The following NAP1L1 variants were observed in gnomAD, a reference collection of about 807,000 sequenced individuals.
NAP1L1 encodes the protein nucleosome assembly protein 1-like 1.
In NAP1L1, 9 loss-of-function variants were observed where a neutral mutation model predicts 58.9. The ratio of observed to expected loss-of-function variants is 0.15; its 90% CI spans 0.09 to 0.27. The LOEUF is 0.27. NAP1L1 is among the 10% of genes least tolerant of loss of function. The probability of loss-of-function intolerance (pLI) is 1.00; values close to 1 mark genes in which losing one functional copy is unlikely to be tolerated. For synonymous variants in NAP1L1, 130 were observed against 138.3 expected, an observed-to-expected ratio of 0.94 and a Z score of 0.42; for missense variants, 302 against 458.8, an observed-to-expected ratio of 0.66 and a Z score of 3.12.
chr12:76,053,426 A>G, intron 9 of NAP1L1, 76 bp from the exon 10 acceptor site: 3 of 1,502,866 alleles, frequency 2.0e-6, no homozygotes, highest in Middle Eastern at 3.6e-4. Context: ...TAAATGTTCT[A>G]TTTAGATTTC....
In NAP1L1 at chr12:76,055,028, G is replaced by T; in HGVS notation, c.621C>A (p.Gly207=). ...TTCAAAGTTCTTTTACCATAGGCTG[G>T]CCAGCATCTGAGAACTTCACTTTAA... ...KDIKVKFSDA[G]QPMSFVLEFH... is the part of the protein sequence containing the mutation. The change falls in exon 8 of 15, where the codon GGC becomes GGA. Residue 207 remains glycine (G), a synonymous_variant. Coordinates refer to ENST00000618691, the MANE Select transcript of NAP1L1 (RefSeq NM_004537.7). 6.2e-7 allele frequency: 1 copy of T among 1,603,216 alleles called. No homozygotes were observed.
At chr12:76,052,860 T>C (rs555723800) in intron 11 of NAP1L1, among the ~76,000 whole-genome samples, 116 of 152,302 alleles carry the variant, frequency 7.6e-4, no homozygotes, top group African/African-American at 2.5e-3. Flanking sequence ...CACAGCAATA[T>C]GTGAAGTTTC....
In NAP1L1 at chr12:76,056,144, C is replaced by T; in HGVS notation, c.447G>A (p.Lys149=). ...CTTTTTTCTCATCTTCAATCTTGGC[C>T]TTTTCTTTCAATTCCTCCTTGATTA... ...EDEISEELKE[K]AKIEDEKKDE... The change falls in exon 7 of 15, where the codon AAG becomes AAA. Residue 149 remains lysine (K), a synonymous_variant. Coordinates refer to ENST00000618691, the MANE Select transcript of NAP1L1 (RefSeq NM_004537.7). 6.2e-7 allele frequency: 1 copy of T among 1,611,222 alleles called. No individual in the cohort carries two copies. Among genetic ancestry groups the T allele is most frequent in the Non-Finnish European group, 8.5e-7 (1 of 1,178,874 alleles).
Position 76,067,444 on chromosome 12 carries a change from T to C in NAP1L1, c.133A>G (p.Asn45Asp). 6.2e-7 allele frequency: 1 copy of C among 1,608,472 alleles called. No homozygotes were observed. ...TGAAGGGCTGCAAGAATCTGAGGAT[T>C]TTGCATCATCTGAACAGTTAGCTGA... ...ARQLTVQMMQ[N>D]PQILAALQER... The change falls in exon 4 of 15, where the codon AAT becomes GAT. Residue 45 changes from asparagine (N) to aspartate (D), a missense_variant. Transcript: ENST00000618691.
chr12:76,048,321 A>T lies in NAP1L1; in HGVS notation c.*108T>A. On this transcript the variant is annotated 3_prime_UTR_variant, in exon 15 of 15. Coordinates refer to ENST00000618691, the MANE Select transcript of NAP1L1 (RefSeq NM_004537.7). ...TCAGTTTCCTGTCCTTTAAAAAAAAATTACCTAGTCTACCAAGAAAATACA... is the reference window on the plus strand; with the variant it reads ...TCAGTTTCCTGTCCTTTAAAAAAAATTTACCTAGTCTACCAAGAAAATACA... 7.7e-7 allele frequency: 1 copy of T among 1,298,762 alleles called. No individual in the cohort carries two copies. Among genetic ancestry groups the T allele is most frequent in the Non-Finnish European group, 1.1e-6 (1 of 926,922 alleles). The allele number at this position is 1,298,762 out of a possible 1,614,324, so 80.5% of individuals were successfully genotyped here. A position where few individuals can be genotyped will look rare whatever the true frequency, so the allele number is the denominator to read the frequency against.
chr12:76,061,742 T>C (rs549361984), intron 4 of NAP1L1, among the ~76,000 whole-genome samples: 24 of 152,334 alleles, frequency 1.6e-4, no homozygotes, highest in Admixed American at 7.2e-4. Context: ...ATCAAATAAT[T>C]CACTTACTTA....
intron 1 of NAP1L1, among the ~76,000 whole-genome samples, chr12:76,081,853 A>T (rs1479240637): frequency 5.3e-5 from 8 of 152,232 alleles, no homozygotes; most frequent in Non-Finnish European, 2.9e-5. Context: ...AATGGAACTT[A>T]AAATCATCAA....
At chr12:76,076,578 A>G (rs1470053425) in intron 1 of NAP1L1, among the ~76,000 whole-genome samples, 1 of 111,818 alleles carries the variant, frequency 8.9e-6, no homozygotes, top group African/African-American at 4.0e-5. Flanking sequence ...ATATATATAT[A>G]TATATATATA....
intron 1 of NAP1L1, among the ~76,000 whole-genome samples, chr12:76,080,350 T>C (rs139109502): frequency 1.1e-3 from 166 of 152,392 alleles, no homozygotes; most frequent in African/African-American, 3.8e-3. Context: ...TATTGGTTTA[T>C]GTATTTACTA....
Position 76,040,587 on chromosome 12 carries a change from C to T in NAP1L1, c.*7842G>A, listed in dbSNP as rs1440132925. ...TTGGAGTGCAGTGGCACTATCTCGGCTCACTGCAACCTCCACCTCCCGAGT... is the reference window on the plus strand; with the variant it reads ...TTGGAGTGCAGTGGCACTATCTCGGTTCACTGCAACCTCCACCTCCCGAGT... On this transcript the variant is annotated 3_prime_UTR_variant, in exon 15 of 15. Transcript: ENST00000618691. The T allele has an allele frequency of 6.6e-6, 1 of 151,556 alleles. No individual in the cohort carries two copies. The highest frequency in any genetic ancestry group is 2.5e-5 in the African/African-American group (1 of 40,684). 9.4% of individuals were successfully genotyped at this position (151,556 alleles called of 1,614,324 possible). A position where few individuals can be genotyped will look rare whatever the true frequency, so the allele number is the denominator to read the frequency against.
At position 76,043,216 on chromosome 12, in the gene NAP1L1, CA is replaced by C. The variant is rs1207241009; in HGVS notation, c.*5212del. Reference sequence around the variant, plus strand: ...CCTTCAAATGGCTGACTTGGTCTATCAATCATGTCTTCCTTTAAAAATTATC... The same window carrying C: ...CCTTCAAATGGCTGACTTGGTCTATCATCATGTCTTCCTTTAAAAATTATC... On this transcript the variant is annotated 3_prime_UTR_variant, in exon 15 of 15. Coordinates refer to ENST00000618691, the MANE Select transcript of NAP1L1 (RefSeq NM_004537.7). The C allele has an allele frequency of 6.6e-6, 1 of 152,120 alleles. No individual in the cohort carries two copies. Among genetic ancestry groups the C allele is most frequent in the African/African-American group, 2.4e-5 (1 of 41,402 alleles). The allele number at this position is 152,120 out of a possible 1,614,324, so 9.4% of individuals were successfully genotyped here.
Position 76,045,937 on chromosome 12 carries a change from T to C in NAP1L1, c.*2492A>G, listed in dbSNP as rs1212157277. ...GACAAATCTCAAAAATGTTTGTAGA[T>C]AACTCAGAATAATAACCCAGAATAT... On this transcript the variant is annotated 3_prime_UTR_variant, in exon 15 of 15. Transcript: ENST00000618691. 2 of 151,962 alleles carry C rather than the reference T, an allele frequency of 1.3e-5. No homozygotes were observed. Among genetic ancestry groups the C allele is most frequent in the Non-Finnish European group, 2.9e-5 (2 of 67,904 alleles). The allele number at this position is 151,962 out of a possible 1,614,324, so 9.4% of individuals were successfully genotyped here. A position where few individuals can be genotyped will look rare whatever the true frequency, so the allele number is the denominator to read the frequency against.
At position 76,048,360 on chromosome 12, in the gene NAP1L1, G is replaced by A; in HGVS notation, c.*69C>T. ...CAAGAAAATACAAAAACATAAGGCT[G>A]TAAGTAAATAAGAGTTGTGTTTAGG... is the stretch of plus-strand genomic sequence containing the variant. On this transcript the variant is annotated 3_prime_UTR_variant, in exon 15 of 15. Coordinates refer to ENST00000618691, the MANE Select transcript of NAP1L1 (RefSeq NM_004537.7). The A allele has an allele frequency of 1.3e-6, 2 of 1,544,538 alleles. No individual in the cohort carries two copies. Among genetic ancestry groups the A allele is most frequent in the Non-Finnish European group, 1.8e-6 (2 of 1,126,190 alleles).
At chr12:76,072,859 A>G (rs1020748662) in intron 2 of NAP1L1, among the ~76,000 whole-genome samples, 10 of 152,208 alleles carry the variant, frequency 6.6e-5, no homozygotes. Flanking sequence ...AGTCGTTTTC[A>G]GTCATGACAT....
chr12:76,058,143 T>G (rs775450905), intron 6 of NAP1L1: 1 of 683,966 alleles, frequency 1.5e-6, no homozygotes, highest in East Asian at 2.9e-5. Flanking sequence ...AATTTGTCTG[T>G]AGTTAATGGC....
At chr12:76,084,153 G>A (rs960066906) in intron 1 of NAP1L1, 1 of 152,152 alleles carries the variant, frequency 6.6e-6, no homozygotes, top group Admixed American at 6.5e-5. Context: ...AAAAGCAGGG[G>A]GGTGTCCAAG....
chr12:76,076,595 T>TCC (rs1950192662), intron 1 of NAP1L1, among the ~76,000 whole-genome samples: 2 of 136,802 alleles, frequency 1.5e-5, no homozygotes, highest in Admixed American at 7.3e-5. Flanking sequence ...TATATATATC[T>TCC]CCACTCATAT....
intron 13 of NAP1L1, 155 bp downstream of exon 13, chr12:76,049,601 T>C (rs569002758): frequency 2.0e-6 from 3 of 1,510,536 alleles, no homozygotes; most frequent in African/African-American, 1.4e-5. Context: ...ACCTTATACA[T>C]ACATTGTTTG....
At chr12:76,060,373 T>C in intron 4 of NAP1L1, 94 bp from the exon 5 acceptor site, 1 of 1,290,660 alleles carries the variant, frequency 7.7e-7, no homozygotes, top group Non-Finnish European at 1.1e-6. Context: ...AGTTAGTGAA[T>C]GACAGGTTTT....
Sources: allele counts gnomAD v4.1 joint callset (sites outside exome capture counted in the v4.1 genomes callset), GRCh38; gene constraint gnomAD v4.1.1; transcripts MANE v1.5; gene names NCBI Gene and HGNC (gene_info 2026-07-23, HGNC 2026-07-21).